The following DNAI2 variants were observed in gnomAD, a reference collection of about 807,000 sequenced individuals.
DNAI2 encodes the protein dynein axonemal intermediate chain 2.
In DNAI2, 63 loss-of-function variants were observed where a neutral mutation model predicts 74.7. That is an observed-to-expected ratio of 0.84 (90% confidence interval 0.69 to 1.04). The LOEUF (loss-of-function observed/expected upper bound fraction) is 1.04. DNAI2 is among the 50% of genes least tolerant of loss of function. The probability of loss-of-function intolerance (pLI) is 0.00; values close to 1 mark genes in which losing one functional copy is unlikely to be tolerated. For synonymous variants in DNAI2, 289 were observed against 314.9 expected (o/e 0.92, Z 0.87); for missense variants, 688 against 803.2 (o/e 0.86, Z 1.73).
At chr17:74,314,020 C>T (rs1041081218) in intron 12 of DNAI2, 101 bp from the exon 13 acceptor site, 5 of 1,593,502 alleles carry the variant, frequency 3.1e-6, no homozygotes, top group Admixed American at 3.4e-5. Context: ...CAGGCTTCAG[C>T]CATTTGGCTG....
chr17:74,293,572 C>T (rs9909910), intron 6 of DNAI2, among the ~76,000 whole-genome samples: 4,072 of 151,814 alleles, frequency 0.027, 94 homozygotes, highest in Non-Finnish European at 0.041. Flanking sequence ...GGTGTGGTGA[C>T]ACGCACCTGT....
At chr17:74,310,217 A>G in intron 11 of DNAI2, 54 bp downstream of exon 11, 1 of 1,592,552 alleles carries the variant, frequency 6.3e-7, no homozygotes, top group Non-Finnish European at 8.5e-7. Flanking sequence ...ACCTGGCCCC[A>G]CAGCAGAGCA....
intron 12 of DNAI2, among the ~76,000 whole-genome samples, chr17:74,312,884 C>T (rs1311317575): frequency 1.3e-5 from 2 of 152,172 alleles, no homozygotes. Context: ...TCTGGGTCAC[C>T]TCCTTCAGGC....
intron 5 of DNAI2, among the ~76,000 whole-genome samples, chr17:74,290,152 C>G (rs768659914): frequency 2.0e-4 from 30 of 152,160 alleles, no homozygotes. Context: ...CCTGTCTCTA[C>G]TAAAAATACA....
intron 1 of DNAI2, among the ~76,000 whole-genome samples, chr17:74,276,455 C>T (rs2051089377): frequency 6.6e-6 from 1 of 152,216 alleles, no homozygotes; most frequent in Admixed American, 6.5e-5. Context: ...GCAGACACTC[C>T]TGCTCAGGCC....
intron 1 of DNAI2, 141 bp from the exon 2 acceptor site, chr17:74,281,666 A>G (rs1291480966): frequency 6.6e-6 from 5 of 752,052 alleles, no homozygotes; most frequent in Non-Finnish European, 2.2e-6. Flanking sequence ...CAGCTTCTGG[A>G]CAAATTCCTA....
intron 7 of DNAI2, 33 bp downstream of exon 7, chr17:74,299,890 G>A: frequency 6.2e-7 from 1 of 1,612,492 alleles, no homozygotes. Flanking sequence ...AGAGAGGAGG[G>A]AAGGGAGGGG....
At chr17:74,290,905 A>G (rs1598292651) in intron 5 of DNAI2, 115 bp from the exon 6 acceptor site, 7 of 903,400 alleles carry the variant, frequency 7.7e-6, no homozygotes, top group Non-Finnish European at 1.3e-5. Flanking sequence ...AGGGGCTTCC[A>G]GGCTTCCCCC....
chr17:74,283,361 A>C (rs1240695239), intron 2 of DNAI2, among the ~76,000 whole-genome samples: 1 of 152,226 alleles, frequency 6.6e-6, no homozygotes, highest in Admixed American at 6.5e-5. Context: ...TAATCCCAGT[A>C]CTTTGGGAGA....
At chr17:74,281,538 G>A in intron 1 of DNAI2, 1 of 586,004 alleles carries the variant, frequency 1.7e-6, no homozygotes, top group Non-Finnish European at 3.0e-6. Flanking sequence ...GATTACAGTT[G>A]TCAGCTACCG....
chr17:74,314,126 A>T lies in DNAI2; in HGVS notation c.1728A>T (p.Gln576His). The T allele has an allele frequency of 6.2e-7, 1 of 1,614,160 alleles. No individual in the cohort carries two copies. Among genetic ancestry groups the T allele is most frequent in the Non-Finnish European group, 8.5e-7 (1 of 1,180,000 alleles). The change falls in exon 13 of 14, where the codon CAA (glutamine) becomes CAT (histidine). Residue 576 changes from glutamine to histidine, a missense_variant. Transcript: ENST00000311014. ...DAIKLTPVPQQPSPEEDQVVE... is the reference protein window; with the variant it reads ...DAIKLTPVPQHPSPEEDQVVE... The stretch of plus-strand genomic sequence containing the variant: ...TGTGCTGTCTTCCCCTGCAGCAGCA[A>T]CCAAGTCCAGAAGAAGACCAGGTGG...
intron 11 of DNAI2, 28 bp from the exon 12 acceptor site, chr17:74,311,975 C>T (rs75583793): frequency 3.0e-5 from 48 of 1,608,768 alleles, no homozygotes; most frequent in Admixed American, 2.5e-4. Context: ...CTCTCCCCAC[C>T]GGGCTCTCTC....
intron 9 of DNAI2, among the ~76,000 whole-genome samples, chr17:74,305,951 T>G (rs1308946795): frequency 6.6e-6 from 1 of 152,150 alleles, no homozygotes; most frequent in Non-Finnish European, 1.5e-5. Flanking sequence ...GGATTACAGG[T>G]GTGAGCCACC....
At chr17:74,311,474 A>G (rs2053523740) in intron 11 of DNAI2, among the ~76,000 whole-genome samples, 1 of 152,194 alleles carries the variant, frequency 6.6e-6, no homozygotes, top group Non-Finnish European at 1.5e-5. Flanking sequence ...TTAGCCAGGC[A>G]TGGCGTCACA....
At chr17:74,296,935 A>G (rs1266556545) in intron 6 of DNAI2, among the ~76,000 whole-genome samples, 2 of 152,146 alleles carry the variant, frequency 1.3e-5, no homozygotes, top group African/African-American at 4.8e-5. Flanking sequence ...CATTCTCCCG[A>G]CTGCCCTAAG....
chr17:74,296,476 C>T (rs1489462343), intron 6 of DNAI2, among the ~76,000 whole-genome samples: 1 of 152,162 alleles, frequency 6.6e-6, no homozygotes, highest in Admixed American at 6.5e-5. Context: ...GCAGTCCTGC[C>T]TCAGCCTCCC....
chr17:74,289,815 G>A, intron 5 of DNAI2, 79 bp downstream of exon 5: 1 of 1,592,012 alleles, frequency 6.3e-7, no homozygotes. Context: ...GGAGGGAGGG[G>A]CAGGAGGTCA....
intron 8 of DNAI2, 30 bp downstream of exon 8, chr17:74,301,198 C>T: frequency 6.2e-7 from 1 of 1,612,358 alleles, no homozygotes; most frequent in East Asian, 2.2e-5. Flanking sequence ...CCTTCCCCGA[C>T]TTGCATTGAC....
chr17:74,307,577 G>A (rs1310909416), intron 9 of DNAI2, among the ~76,000 whole-genome samples: 1 of 152,072 alleles, frequency 6.6e-6, no homozygotes, highest in Non-Finnish European at 1.5e-5. Flanking sequence ...GCCGAGGCGG[G>A]TGGATCACCT....
Sources: allele counts gnomAD v4.1 joint callset (sites outside exome capture counted in the v4.1 genomes callset), GRCh38; gene constraint gnomAD v4.1.1; transcripts MANE v1.5; gene names NCBI Gene and HGNC (gene_info 2026-07-23, HGNC 2026-07-21).